The following PODXL2 variants were observed in gnomAD, a reference collection of about 807,000 sequenced individuals.
PODXL2 encodes the protein podocalyxin-like protein 2.
A neutral mutation model predicts 53.4 loss-of-function variants in PODXL2; 17 were observed. The observed-to-expected ratio is 0.32, with a 90% CI of 0.22 to 0.48. The LOEUF (loss-of-function observed/expected upper bound fraction) is 0.48. Ranked by LOEUF, PODXL2 falls within the 20% of genes least tolerant of loss-of-function variation. The pLI, the probability that PODXL2 is intolerant of heterozygous loss-of-function variation, is 0.99. For synonymous variants in PODXL2, 311 were observed against 306.7 expected, an observed-to-expected ratio of 1.01 and a Z score of -0.15; for missense variants, 673 against 760.0, an observed-to-expected ratio of 0.89 and a Z score of 1.35.
In PODXL2 at chr3:127,672,503, G is replaced by C; in HGVS notation, c.*23G>C. 2 of 1,430,494 alleles carry C rather than the reference G, an allele frequency of 1.4e-6. No individual in the cohort carries two copies. The highest frequency in any genetic ancestry group is 1.9e-6 in the Non-Finnish European group (2 of 1,079,910). The allele number at this position is 1,430,494 out of a possible 1,614,324, so 88.6% of individuals were successfully genotyped here. ...TGAGCGCAGCCGAGGCGCAGGCCGA[G>C]TGGGCCGCCAGGACCAAGCGAGGTG... On this transcript the variant is annotated 3_prime_UTR_variant, in exon 8 of 8. Transcript: ENST00000342480.
chr3:127,642,737 A>G lies in PODXL2; in HGVS notation c.349+3214A>G, dbSNP rs370632460. On this transcript the variant is annotated intron_variant, in intron 2 of 7. Transcript: ENST00000342480. ...ATTATATACAGAATATGTGTATTCT[A>G]TAGAATATACATATACACAAAAATA... Among the ~76,000 whole-genome samples, 5 of 152,350 alleles carry G rather than the reference A, an allele frequency of 3.3e-5. No homozygotes were observed. The South Asian group carries it at 8.3e-4, about 25-fold the overall frequency.
intron 2 of PODXL2, among the ~76,000 whole-genome samples, chr3:127,644,948 G>A (rs1049563017): frequency 3.3e-5 from 5 of 152,190 alleles, no homozygotes; most frequent in African/African-American, 7.2e-5. Context: ...CTCGCCTTAC[G>A]TTTCCTCAGG....
chr3:127,650,536 G>A (rs1354324959), intron 2 of PODXL2, among the ~76,000 whole-genome samples: 2 of 152,124 alleles, frequency 1.3e-5, no homozygotes, highest in Non-Finnish European at 1.5e-5. Flanking sequence ...TTTACATTTT[G>A]CATCAATTAG....
intron 1 of PODXL2, among the ~76,000 whole-genome samples, chr3:127,638,351 C>A (rs1309401829): frequency 6.6e-6 from 1 of 152,176 alleles, no homozygotes; most frequent in East Asian, 1.9e-4. Context: ...ATCCAAGATT[C>A]TAAACAAATA....
intron 2 of PODXL2, among the ~76,000 whole-genome samples, chr3:127,651,094 A>G (rs915539326): frequency 6.6e-6 from 1 of 152,154 alleles, no homozygotes; most frequent in Non-Finnish European, 1.5e-5. Flanking sequence ...GTGAAACCCC[A>G]TCTCTACTAA....
chr3:127,633,363 G>A (rs959469398), intron 1 of PODXL2, among the ~76,000 whole-genome samples: 1 of 152,204 alleles, frequency 6.6e-6, no homozygotes, highest in African/African-American at 2.4e-5. Flanking sequence ...ATGTTTTTGT[G>A]GGGGAGAAAC....
intron 1 of PODXL2, among the ~76,000 whole-genome samples, chr3:127,632,649 C>T (rs13082666): frequency 0.32 from 48,230 of 152,142 alleles, 8,503 homozygotes; most frequent in Middle Eastern, 0.48. Context: ...ATTTTGGCTC[C>T]CTGCCAGCCC....
Position 127,668,494 on chromosome 3 carries a change from G to A in PODXL2, c.1260G>A (p.Val420=). The part of the protein sequence containing the change: ...GPQLLALVEE[V]LPRHGSGHHG... ...AGCTCCTGGCCCTGGTGGAAGAGGT[G>A]CTGCCCCGCCATGGCAGTGGCCACC... Residue 420 remains valine, a synonymous_variant, in exon 5 of 8, where the codon GTG becomes GTA. Coordinates refer to ENST00000342480, the MANE Select transcript of PODXL2 (RefSeq NM_015720.4). The A allele has an allele frequency of 2.6e-6, 4 of 1,525,286 alleles. No individual in the cohort carries two copies. The highest frequency in any genetic ancestry group is 3.5e-6 in the Non-Finnish European group (4 of 1,135,576). The allele number at this position is 1,525,286 out of a possible 1,614,324, so 94.5% of individuals were successfully genotyped here.
chr3:127,641,744 G>T (rs1026317184), intron 2 of PODXL2, among the ~76,000 whole-genome samples: 1 of 151,636 alleles, frequency 6.6e-6, no homozygotes, highest in South Asian at 2.1e-4. Context: ...TCGAACTCCT[G>T]ACCTCAGGTG....
intron 2 of PODXL2, among the ~76,000 whole-genome samples, chr3:127,642,351 CAAATT>C (rs1210567275): frequency 1.3e-5 from 2 of 150,742 alleles, no homozygotes; most frequent in East Asian, 2.0e-4. Context: ...AAGACACAAT[CAAATT>C]AAAACAATCT....
intron 1 of PODXL2, among the ~76,000 whole-genome samples, chr3:127,632,521 C>T (rs2074553591): frequency 6.6e-6 from 1 of 152,246 alleles, no homozygotes; most frequent in South Asian, 2.1e-4. Flanking sequence ...AGGCAGGCTG[C>T]CCGGGTGCCC....
chr3:127,643,099 G>A (rs2074630666), intron 2 of PODXL2, among the ~76,000 whole-genome samples: 1 of 152,126 alleles, frequency 6.6e-6, no homozygotes, highest in Non-Finnish European at 1.5e-5. Flanking sequence ...TCTGAAAAAG[G>A]ATACTAACTT....
At chr3:127,643,896 C>T (rs2074636692) in intron 2 of PODXL2, among the ~76,000 whole-genome samples, 1 of 152,176 alleles carries the variant, frequency 6.6e-6, no homozygotes, top group Non-Finnish European at 1.5e-5. Flanking sequence ...GCCTCAGCCT[C>T]CCAAAGTGCT....
In PODXL2 at chr3:127,639,274, T is replaced by C. The variant is rs200398346; in HGVS notation, c.100T>C (p.Ser34Pro). The change falls in exon 2 of 8, where the codon TCT (serine) becomes CCT (proline). Residue 34 changes from serine (S) to proline (P), a missense_variant. Transcript: ENST00000342480. ...GAFLGACVAG[S>P]DEPGPEGLTS... ...GTTCCTGGGTGCCTGTGTGGCTGGG[T>C]CTGATGAGCCTGGCCCAGAGGGCCT... The C allele has an allele frequency of 6.2e-7, 1 of 1,611,304 alleles. No individual in the cohort carries two copies. The highest frequency in any genetic ancestry group is 2.2e-5 in the East Asian group (1 of 44,882).
At chr3:127,648,623 T>G (rs1296043891) in intron 2 of PODXL2, among the ~76,000 whole-genome samples, 1 of 142,042 alleles carries the variant, frequency 7.0e-6, no homozygotes, top group African/African-American at 2.6e-5. Flanking sequence ...CTTTCTGGAC[T>G]TTTTTTTTTT....
intron 4 of PODXL2, among the ~76,000 whole-genome samples, chr3:127,668,170 ATG>A (rs1471856460): frequency 6.6e-6 from 1 of 151,348 alleles, no homozygotes; most frequent in South Asian, 2.1e-4. Context: ...GCTCAACTGC[ATG>A]TGTCTCTGGG....
In PODXL2 at chr3:127,672,387, G is replaced by A; in HGVS notation, c.1725G>A (p.Gly575=). ...AGCACCCCAGCCTGAACGGCGGCGG[G>A]GCCCTCAACGGCCCGGGGAGCTGGG... The part of the protein sequence containing the change: ...QEKHPSLNGG[G]ALNGPGSWGA... Residue 575 remains glycine, a synonymous_variant, in exon 8 of 8, where the codon GGG becomes GGA. Transcript: ENST00000342480. The A allele has an allele frequency of 6.5e-7, 1 of 1,544,904 alleles. No homozygotes were observed. The highest frequency in any genetic ancestry group is 1.2e-5 in the South Asian group (1 of 84,054).
At chr3:127,639,597 C>A in intron 2 of PODXL2, 74 bp downstream of exon 2, 4 of 1,368,034 alleles carry the variant, frequency 2.9e-6, no homozygotes, top group Non-Finnish European at 4.0e-6. Flanking sequence ...GTGACCATTT[C>A]CTTGCCAGAA....
intron 5 of PODXL2, 83 bp downstream of exon 5, chr3:127,668,680 G>T: frequency 7.8e-7 from 1 of 1,286,048 alleles, no homozygotes. Context: ...AAAAGTGCAC[G>T]CATAAGGGCT....
Sources: gnomAD v4.1 joint callset for allele counts (sites outside exome capture counted in the v4.1 genomes callset) on GRCh38, gnomAD v4.1.1 for gene constraint, MANE v1.5 for transcripts, NCBI Gene and HGNC (gene_info 2026-07-23, HGNC 2026-07-21) for gene names.